The following FBXO42 variants were observed in gnomAD, a reference collection of about 807,000 sequenced individuals.
FBXO42 encodes F-box protein 42.
A neutral mutation model predicts 71.7 loss-of-function variants in FBXO42; 12 were observed. The ratio of observed to expected loss-of-function variants is 0.17; its 90% CI spans 0.11 to 0.27. The LOEUF (loss-of-function observed/expected upper bound fraction) is 0.27. Among genes scored for constraint, FBXO42 ranks in the 10% least tolerant of loss-of-function variants. FBXO42 has a pLI of 1.00. For missense variants in FBXO42, 707 were observed against 911.9 expected, an observed-to-expected ratio of 0.78 and a Z score of 2.89; for synonymous variants, 325 against 327.5, an observed-to-expected ratio of 0.99 and a Z score of 0.08.
At chr1:16,282,975 C>A (rs1036847708) in intron 4 of FBXO42, among the ~76,000 whole-genome samples, 18 of 145,978 alleles carry the variant, frequency 1.2e-4, no homozygotes, top group African/African-American at 4.4e-4. Flanking sequence ...AGTGAGACTC[C>A]GTCTCAAAAA....
chr1:16,265,177 T>A (rs2081757808), intron 4 of FBXO42, among the ~76,000 whole-genome samples: 1 of 152,226 alleles, frequency 6.6e-6, no homozygotes. Flanking sequence ...CACCGCAGCC[T>A]CTGCCTCCCA....
chr1:16,339,310 G>GT (rs1350888592), intron 1 of FBXO42, among the ~76,000 whole-genome samples: 1 of 151,642 alleles, frequency 6.6e-6, no homozygotes, highest in Non-Finnish European at 1.5e-5. Flanking sequence ...TATTGTTATA[G>GT]TTTTTTTGTT....
chr1:16,317,697 G>C (rs924702716), intron 1 of FBXO42, among the ~76,000 whole-genome samples: 3 of 152,026 alleles, frequency 2.0e-5, no homozygotes, highest in Non-Finnish European at 4.4e-5. Context: ...GCCAAAACAG[G>C]AGGATCATTT....
chr1:16,274,208 A>G (rs1372719457), intron 4 of FBXO42, among the ~76,000 whole-genome samples: 1 of 151,992 alleles, frequency 6.6e-6, no homozygotes, highest in Admixed American at 6.6e-5. Context: ...TGGGAGGCTG[A>G]GGCAGGAGGA....
chr1:16,341,742 G>A (rs895489728), intron 1 of FBXO42, among the ~76,000 whole-genome samples: 2 of 151,586 alleles, frequency 1.3e-5, no homozygotes, highest in East Asian at 1.9e-4. Context: ...AGGCCAAGGC[G>A]GGCGGATCAC....
chr1:16,256,287 A>G (rs1569811089), intron 5 of FBXO42, among the ~76,000 whole-genome samples: 1 of 151,950 alleles, frequency 6.6e-6, no homozygotes, highest in Admixed American at 6.6e-5. Flanking sequence ...GATCTACAAC[A>G]CTCCTGGAGT....
intron 3 of FBXO42, among the ~76,000 whole-genome samples, chr1:16,296,859 C>A (rs557119733): frequency 1.3e-5 from 2 of 151,932 alleles, no homozygotes; most frequent in African/African-American, 4.8e-5. Context: ...TCATCCAATG[C>A]CACTACTATA....
At chr1:16,348,178 T>C (rs2082669495) in intron 1 of FBXO42, among the ~76,000 whole-genome samples, 1 of 152,062 alleles carries the variant, frequency 6.6e-6, no homozygotes, top group Admixed American at 6.6e-5. Context: ...AGCCGCAACT[T>C]TAGATCACTC....
chr1:16,320,193 C>G (rs1455187047), intron 1 of FBXO42, among the ~76,000 whole-genome samples: 1 of 151,812 alleles, frequency 6.6e-6, no homozygotes, highest in East Asian at 2.0e-4. Context: ...AACCCCGTCT[C>G]TACTAAAAAT....
chr1:16,257,563 T>C (rs1423426332), intron 4 of FBXO42, among the ~76,000 whole-genome samples: 2 of 152,252 alleles, frequency 1.3e-5, no homozygotes, highest in African/African-American at 4.8e-5. Context: ...TTTCAAAATC[T>C]ATTGTCTTTG....
At chr1:16,285,248 G>GA (rs911598064) in intron 4 of FBXO42, among the ~76,000 whole-genome samples, 189 of 149,222 alleles carry the variant, frequency 1.3e-3, no homozygotes, top group African/African-American at 4.2e-3. Flanking sequence ...TTCCTCAAAA[G>GA]AAAAAAAAAA....
chr1:16,282,631 G>A (rs1239680661), intron 4 of FBXO42, among the ~76,000 whole-genome samples: 1 of 151,982 alleles, frequency 6.6e-6, no homozygotes, highest in Non-Finnish European at 1.5e-5. Flanking sequence ...GACAGCTTGA[G>A]GCCAGGAGTT....
chr1:16,351,906 G>A (rs974956547), intron 1 of FBXO42, among the ~76,000 whole-genome samples: 19 of 152,172 alleles, frequency 1.2e-4, no homozygotes, highest in Non-Finnish European at 2.4e-4. Flanking sequence ...TCTCGCAAAG[G>A]AGTGAAATGT....
chr1:16,336,876 T>C (rs867804412), intron 1 of FBXO42, among the ~76,000 whole-genome samples: 1 of 152,136 alleles, frequency 6.6e-6, no homozygotes, highest in Middle Eastern at 3.4e-3. Flanking sequence ...TTCTAGCTAC[T>C]TGGGAGGCTG....
intron 4 of FBXO42, among the ~76,000 whole-genome samples, chr1:16,281,191 A>G (rs576677332): frequency 2.0e-5 from 3 of 151,898 alleles, no homozygotes; most frequent in Non-Finnish European, 4.4e-5. Context: ...CGAACTCCTG[A>G]CCTCAGGTGA....
At chr1:16,337,838 C>T (rs1188971536) in intron 1 of FBXO42, among the ~76,000 whole-genome samples, 15 of 117,366 alleles carry the variant, frequency 1.3e-4, no homozygotes, top group Admixed American at 2.4e-4. Flanking sequence ...GAGTGGAGAT[C>T]GCGCCACTGT....
At chr1:16,351,816 C>T (rs2082705084) in intron 1 of FBXO42, among the ~76,000 whole-genome samples, 2 of 152,206 alleles carry the variant, frequency 1.3e-5, no homozygotes, top group African/African-American at 4.8e-5. Context: ...CCAAAATTAT[C>T]CCTTTGCAGC....
At chr1:16,292,447 T>A (rs1486973776) in intron 4 of FBXO42, 1 of 152,238 alleles carries the variant, frequency 6.6e-6, no homozygotes, top group Non-Finnish European at 1.5e-5. Flanking sequence ...CATGCCACCA[T>A]GCCTGGCTAA....
chr1:16,306,586 C>G (rs1327052087), intron 2 of FBXO42, among the ~76,000 whole-genome samples: 1 of 152,174 alleles, frequency 6.6e-6, no homozygotes, highest in Admixed American at 6.6e-5. Flanking sequence ...TATGATAAAA[C>G]AATGTCTAGA....
Sources: allele counts gnomAD v4.1 joint callset (sites outside exome capture counted in the v4.1 genomes callset), GRCh38; gene constraint gnomAD v4.1.1; transcripts MANE v1.5; gene names NCBI Gene and HGNC (gene_info 2026-07-23, HGNC 2026-07-21).